The following SPRED3 variants were observed in gnomAD, a reference collection of about 807,000 sequenced individuals.
SPRED3 encodes the protein sprouty related EVH1 domain containing 3, also known as sprouty-related, EVH1 domain-containing protein 3.
Under a neutral mutation model 37.6 loss-of-function variants are expected in SPRED3, and 23 were observed. That is an observed-to-expected ratio of 0.61 (90% confidence interval 0.44 to 0.87). The LOEUF (loss-of-function observed/expected upper bound fraction) is 0.87. Among genes scored for constraint, SPRED3 ranks in the 40% least tolerant of loss-of-function variants. The probability of loss-of-function intolerance (pLI) is 0.00; values close to 1 mark genes in which losing one functional copy is unlikely to be tolerated. For missense variants in SPRED3, 584 were observed against 618.6 expected (o/e 0.94, Z 0.59); for synonymous variants, 302 against 279.6 (o/e 1.08, Z -0.80).
At chr19:38,388,919 G>A (rs921812904) in intron 1 of SPRED3, 112 bp downstream of exon 1, 8 of 394,128 alleles carry the variant, frequency 2.0e-5, no homozygotes, top group African/African-American at 1.4e-4. Flanking sequence ...CCAAGGCCCC[G>A]GCTAGGAGGA....
rs535402377 is a variant in SPRED3 at position 38,394,539 on chromosome 19, C to T, written c.424-104C>T. ...GACAGAGCCGGGGTTTGAACCCAGGCCTTCCTGGCCGCAGAGCCCTCGCTC... is the reference window on the plus strand; with the variant it reads ...GACAGAGCCGGGGTTTGAACCCAGGTCTTCCTGGCCGCAGAGCCCTCGCTC... On this transcript the variant is annotated intron_variant, in intron 4 of 5. Coordinates refer to ENST00000691638, the MANE Select transcript of SPRED3 (RefSeq NM_001394336.1). 6.9e-4 allele frequency: 1,075 copies of T among 1,559,398 alleles called. 1 individual carries two copies. Among genetic ancestry groups the T allele is most frequent in the Non-Finnish European group, 8.8e-4 (1,017 of 1,152,174 alleles).
intron 5 of SPRED3, 72 bp downstream of exon 5, chr19:38,394,858 A>G: frequency 6.9e-7 from 1 of 1,449,650 alleles, no homozygotes; most frequent in Non-Finnish European, 9.1e-7. Flanking sequence ...AGCGGGAGCC[A>G]TGGCCCGGGG....
At position 38,390,444 on chromosome 19, in the gene SPRED3, T is replaced by C; in HGVS notation, c.142T>C (p.Tyr48His). The change falls in exon 2 of 6, where the codon TAC becomes CAC. Residue 48 changes from tyrosine (Y) to histidine (H), a missense_variant. Coordinates refer to ENST00000691638, the MANE Select transcript of SPRED3 (RefSeq NM_001394336.1). Reference sequence around the variant, plus strand: ...CGAGGGGGGGGCCCGCCAGGGGCACTACGTCATCCACGGGGAACGCCTCCG... The same window carrying C: ...CGAGGGGGGGGCCCGCCAGGGGCACCACGTCATCCACGGGGAACGCCTCCG... The part of the protein sequence containing the change: ...RPEGGARQGH[Y>H]VIHGERLRDQ... The C allele has an allele frequency of 7.1e-7, 1 of 1,403,526 alleles. No homozygotes were observed. Among genetic ancestry groups the C allele is most frequent in the Non-Finnish European group, 9.3e-7 (1 of 1,076,850 alleles). The allele number at this position is 1,403,526 out of a possible 1,614,324, so 86.9% of individuals were successfully genotyped here. A position where few individuals can be genotyped will look rare whatever the true frequency, so the allele number is the denominator to read the frequency against.
At chr19:38,394,592 A>C (rs1970870087) in intron 4 of SPRED3, 51 bp from the exon 5 acceptor site, 1 of 1,557,866 alleles carries the variant, frequency 6.4e-7, no homozygotes, top group African/African-American at 1.4e-5. Context: ...ATGTGAGGGC[A>C]TCGGCTGTGC....
At position 38,395,470 on chromosome 19, in the gene SPRED3, C is replaced by T; in HGVS notation, c.568-10C>T. 1 of 1,448,064 alleles carries T rather than the reference C, an allele frequency of 6.9e-7. No homozygotes were observed. The highest frequency in any genetic ancestry group is 9.1e-7 in the Non-Finnish European group (1 of 1,100,810). 89.7% of individuals were successfully genotyped at this position (1,448,064 alleles called of 1,614,324 possible). A position where few individuals can be genotyped will look rare whatever the true frequency, so the allele number is the denominator to read the frequency against. On this transcript the variant is annotated splice_polypyrimidine_tract_variant and intron_variant, in intron 5 of 5. Coordinates refer to ENST00000691638, the MANE Select transcript of SPRED3 (RefSeq NM_001394336.1). The surrounding 1 kb of genome is among the most constrained non-coding windows in gnomAD (Gnocchi z 5.2). ...ATGGATTCTGATCTGTTTGTCCCTT[C>T]GTTCCGCAGAGCTACCCTCCGCTTC...
At chr19:38,390,104 C>T (rs923938980) in intron 1 of SPRED3, 195 bp from the exon 2 acceptor site, 4 of 419,378 alleles carry the variant, frequency 9.5e-6, no homozygotes, top group Non-Finnish European at 1.3e-5. Flanking sequence ...GAAGAGATGG[C>T]ATGAGGAAGA....
chr19:38,395,848 C>T lies in SPRED3; in HGVS notation c.936C>T (p.Gly312=), dbSNP rs1970890046. 1.4e-5 allele frequency: 20 copies of T among 1,473,100 alleles called. No individual in the cohort carries two copies. The highest frequency in any genetic ancestry group is 1.7e-5 in the Non-Finnish European group (19 of 1,120,736). 91.3% of individuals were successfully genotyped at this position (1,473,100 alleles called of 1,614,324 possible). ...TCCGTCGCAGAGCAGACGGGCGTGG[C>T]GGCCGCTGCGCAGAGGCCCCGGACC... ...ALFRRRADGR[G]GRCAEAPDPG... The change falls in exon 6 of 6, where the codon GGC becomes GGT. Residue 312 remains glycine (G), a synonymous_variant. Transcript: ENST00000691638. This position sits in a 1 kb window ranked among gnomAD's most constrained non-coding sequence, Gnocchi z 5.2.
chr19:38,393,288 A>G (rs1970854721), intron 4 of SPRED3, among the ~76,000 whole-genome samples: 1 of 151,946 alleles, frequency 6.6e-6, no homozygotes. Flanking sequence ...TCTAGTGCTA[A>G]ATTTTTCCCA....
chr19:38,393,344 C>CAT, intron 4 of SPRED3, among the ~76,000 whole-genome samples: 1 of 121,126 alleles, frequency 8.3e-6, no homozygotes. Flanking sequence ...ATACTATTAT[C>CAT]TTTTTTTTTT....
At position 38,398,037 on chromosome 19, in the gene SPRED3, C is replaced by T. The variant is rs1970918793; in HGVS notation, c.*1892C>T. 1 of 152,222 alleles carries T rather than the reference C, an allele frequency of 6.6e-6. No individual in the cohort carries two copies. Among genetic ancestry groups the T allele is most frequent in the Non-Finnish European group, 1.5e-5 (1 of 68,076 alleles). The allele number at this position is 152,222 out of a possible 1,614,324, so 9.4% of individuals were successfully genotyped here. A position where few individuals can be genotyped will look rare whatever the true frequency, so the allele number is the denominator to read the frequency against. ...CAGGGTTTCGAGGAGCTGGAAGTCA[C>T]ACCAGTCTGCTGGCCACACTGTGCC... On this transcript the variant is annotated 3_prime_UTR_variant, in exon 6 of 6. Coordinates refer to ENST00000691638, the MANE Select transcript of SPRED3 (RefSeq NM_001394336.1).
intron 4 of SPRED3, chr19:38,394,226 TGAGA>T (rs1970865643): frequency 2.3e-6 from 3 of 1,322,192 alleles, no homozygotes; most frequent in Middle Eastern, 2.2e-4. Context: ...GGGCTGGGAG[TGAGA>T]GAGGAAGGCA....
rs1970781987 is a variant in SPRED3, at chr19:38,388,792, G to C, written c.-20G>C. On this transcript the variant is annotated 5_prime_UTR_variant, in exon 1 of 6. Coordinates refer to ENST00000691638, the MANE Select transcript of SPRED3 (RefSeq NM_001394336.1). ...GCCGCGTCGCCGCCGCTCGGAGCCC[G>C]GCCGGAGCCTCGCAGGCAGGTGCCG... The C allele has an allele frequency of 5.0e-6, 2 of 396,920 alleles. No individual in the cohort carries two copies. 24.6% of individuals were successfully genotyped at this position (396,920 alleles called of 1,614,324 possible). A position where few individuals can be genotyped will look rare whatever the true frequency, so the allele number is the denominator to read the frequency against.
intron 4 of SPRED3, among the ~76,000 whole-genome samples, chr19:38,393,156 T>C (rs895160933): frequency 6.6e-6 from 1 of 152,146 alleles, no homozygotes; most frequent in Non-Finnish European, 1.5e-5. Flanking sequence ...CCAGATTTCC[T>C]TGTGGCTCAT....
At position 38,395,941 on chromosome 19, in the gene SPRED3, G is replaced by A. The variant is rs776150290; in HGVS notation, c.1029G>A (p.Leu343=). The A allele has an allele frequency of 8.1e-5, 121 of 1,501,760 alleles. No individual in the cohort carries two copies. The highest frequency in any genetic ancestry group is 1.1e-4 in the Non-Finnish European group (120 of 1,133,810). 93.0% of individuals were successfully genotyped at this position (1,501,760 alleles called of 1,614,324 possible). Reference sequence around the variant, plus strand: ...CCGAGAGCTTGCTCTACCACTGCCTGTCGGACGCCGAGGGCGACTTCTCGG... The same window carrying A: ...CCGAGAGCTTGCTCTACCACTGCCTATCGGACGCCGAGGGCGACTTCTCGG... ...WCAESLLYHC[L]SDAEGDFSDP... is the part of the protein sequence containing the mutation. Residue 343 remains leucine (L), a synonymous_variant, in exon 6 of 6, where the codon CTG becomes CTA. Transcript: ENST00000691638. This position sits in a 1 kb window ranked among gnomAD's most constrained non-coding sequence, Gnocchi z 5.2.
At chr19:38,393,433 C>T (rs1970856788) in intron 4 of SPRED3, among the ~76,000 whole-genome samples, 1 of 150,982 alleles carries the variant, frequency 6.6e-6, no homozygotes, top group Non-Finnish European at 1.5e-5. Flanking sequence ...CTGCAACCTC[C>T]ACCTCCCAGG....
At position 38,398,615 on chromosome 19, in the gene SPRED3, A is replaced by AG. The variant is rs1490887140; in HGVS notation, c.*2476dup. ...GGCCCACTGAGTCTCTTCTGTGCAAAGGGGGGTGCCACAGGCTTTTTTCCC... is the reference window on the plus strand; with the variant it reads ...GGCCCACTGAGTCTCTTCTGTGCAAAGGGGGGGTGCCACAGGCTTTTTTCCC... On this transcript the variant is annotated 3_prime_UTR_variant, in exon 6 of 6. Coordinates refer to ENST00000691638, the MANE Select transcript of SPRED3 (RefSeq NM_001394336.1). 1.3e-5 allele frequency: 2 copies of AG among 152,150 alleles called. No homozygotes were observed. The highest frequency in any genetic ancestry group is 4.8e-5 in the African/African-American group (2 of 41,428). The allele number at this position is 152,150 out of a possible 1,614,324, so 9.4% of individuals were successfully genotyped here. A position where few individuals can be genotyped will look rare whatever the true frequency, so the allele number is the denominator to read the frequency against.
chr19:38,392,227 CCT>C lies in SPRED3; in HGVS notation c.364_365del (p.Ser122LeufsTer297). On this transcript the variant is annotated frameshift_variant, in exon 4 of 6. Coordinates refer to ENST00000691638, the MANE Select transcript of SPRED3 (RefSeq NM_001394336.1). LOFTEE classifies it high-confidence loss of function. The stretch of plus-strand genomic sequence containing the variant: ...CCTGCCCCAGGCTCACTCACCCCCT[CCT>C]CCTCCTCCTCCTCCTCCTCTCCTTC... 1.3e-6 allele frequency: 2 copies of C among 1,541,996 alleles called. No homozygotes were observed. The highest frequency in any genetic ancestry group is 1.8e-5 in the Admixed American group (1 of 56,200).
At position 38,394,713 on chromosome 19, in the gene SPRED3, C is replaced by G. The variant is rs772113391; in HGVS notation, c.494C>G (p.Pro165Arg). 10 of 1,594,208 alleles carry G rather than the reference C, an allele frequency of 6.3e-6. No homozygotes were observed. In the South Asian group the frequency reaches 1.0e-4, roughly 16 times the overall value. Reference sequence around the variant, plus strand: ...ACTCCTCCCAGCGCCGCTGCGGCCCCCATCATCACGATGGAGTCAGCTTCA... The same window carrying G: ...ACTCCTCCCAGCGCCGCTGCGGCCCGCATCATCACGATGGAGTCAGCTTCA... ...QETPPSAAAA[P>R]IITMESASGF... The change falls in exon 5 of 6, where the codon CCC becomes CGC. Residue 165 changes from proline to arginine, a missense_variant. Physicochemically the swap from Pro to Arg is moderately radical, Grantham distance 103 (BLOSUM62 -2). Coordinates refer to ENST00000691638, the MANE Select transcript of SPRED3 (RefSeq NM_001394336.1).
At position 38,395,545 on chromosome 19, in the gene SPRED3, G is replaced by A. The variant is rs1386243651; in HGVS notation, c.633G>A (p.Gly211=). 1 of 1,550,738 alleles carries A rather than the reference G, an allele frequency of 6.4e-7. No individual in the cohort carries two copies. The highest frequency in any genetic ancestry group is 8.7e-7 in the Non-Finnish European group (1 of 1,152,548). Residue 211 remains glycine, a synonymous_variant, in exon 6 of 6, where the codon GGG becomes GGA. Transcript: ENST00000691638. The surrounding 1 kb of genome is among the most constrained non-coding windows in gnomAD (Gnocchi z 5.2). Reference sequence around the variant, plus strand: ...CCTCAGAGCCCCTGGCAGGGGCAGGGGGCCTGGGGTGGGGCGGCCGCGGCT... The same window carrying A: ...CCTCAGAGCCCCTGGCAGGGGCAGGAGGCCTGGGGTGGGGCGGCCGCGGCT... ...PEPSEPLAGA[G]GLGWGGRGYE...
Sources: allele counts gnomAD v4.1 joint callset (sites outside exome capture counted in the v4.1 genomes callset), GRCh38; gene constraint gnomAD v4.1.1; non-coding constraint Gnocchi (gnomAD v3.1); transcripts MANE v1.5; gene names NCBI Gene and HGNC (gene_info 2026-07-23, HGNC 2026-07-21).